Variants in KALRN observed in about 807,000 individuals in gnomAD.
The protein encoded by KALRN is kalirin RhoGEF kinase, also known as kalirin.
A neutral mutation model predicts 353.7 loss-of-function variants in KALRN; 70 were observed. That is an observed-to-expected ratio of 0.20 (90% CI 0.16 to 0.24). The LOEUF (loss-of-function observed/expected upper bound fraction) is 0.24. Ranked by LOEUF, KALRN falls within the 10% of genes least tolerant of loss-of-function variation. The pLI, the probability that KALRN is intolerant of heterozygous loss-of-function variation, is 1.00. For synonymous variants in KALRN, 1,391 were observed against 1,434.8 expected (o/e 0.97, Z 0.69); for missense variants, 2,791 against 3,756.7 (o/e 0.74, Z 6.72).
At chr3:124,412,425 C>G (rs4678115) in intron 13 of KALRN, among the ~76,000 whole-genome samples, 63,360 of 152,076 alleles carry the variant, frequency 0.42, 13,367 homozygotes, top group Middle Eastern at 0.48. Flanking sequence ...AGTACACATG[C>G]TGTCGCCTTC....
intron 1 of KALRN, among the ~76,000 whole-genome samples, chr3:124,105,970 A>G (rs1321618807): frequency 1.3e-5 from 2 of 152,236 alleles, no homozygotes; most frequent in African/African-American, 4.8e-5. Flanking sequence ...TATTCCAGGG[A>G]CAGTGCTATT....
intron 57 of KALRN, 62 bp from the exon 58 acceptor site, chr3:124,712,873 A>G: frequency 2.5e-6 from 3 of 1,217,572 alleles, no homozygotes; most frequent in Non-Finnish European, 2.4e-6. Context: ...TTACTTATCC[A>G]TGAATAAAAT....
intron 4 of KALRN, among the ~76,000 whole-genome samples, chr3:124,266,728 G>A (rs771030052): frequency 2.6e-5 from 4 of 152,170 alleles, no homozygotes; most frequent in Non-Finnish European, 5.9e-5. Flanking sequence ...CCTGACACTT[G>A]ATGCAGGCGA....
chr3:124,605,388 C>A (rs1334038909), intron 34 of KALRN, among the ~76,000 whole-genome samples: 1 of 151,836 alleles, frequency 6.6e-6, no homozygotes, highest in Non-Finnish European at 1.5e-5. Flanking sequence ...GCCTGGCCAA[C>A]ATGGTGAAAC....
chr3:124,334,983 C>T lies in KALRN; in HGVS notation c.1647+488C>T, dbSNP rs935271607. On this transcript the variant is annotated intron_variant, in intron 9 of 59. Coordinates refer to ENST00000682506, the MANE Select transcript of KALRN (RefSeq NM_001388419.1). This position sits in a 1 kb window ranked among gnomAD's most constrained non-coding sequence, Gnocchi z 4.2. ...CTAATTTTTGTATTTTTGGTGGAGACGGGGTTTCACCATGTTGACCAGGCT... is the reference window on the plus strand; with the variant it reads ...CTAATTTTTGTATTTTTGGTGGAGATGGGGTTTCACCATGTTGACCAGGCT... Among the ~76,000 whole-genome samples the T allele has an allele frequency of 3.3e-5, 5 of 152,080 alleles. No individual in the cohort carries two copies. The highest frequency in any genetic ancestry group is 7.4e-5 in the Non-Finnish European group (5 of 68,016).
intron 13 of KALRN, 49 bp from the exon 14 acceptor site, chr3:124,413,421 C>A (rs752622499): frequency 2.0e-6 from 3 of 1,499,786 alleles, no homozygotes; most frequent in Middle Eastern, 1.8e-4. Context: ...ACCTAACAAT[C>A]TCTCGTGGAC....
intron 3 of KALRN, 39 bp from the exon 4 acceptor site, chr3:124,264,459 T>C: frequency 6.3e-7 from 1 of 1,590,476 alleles, no homozygotes; most frequent in Non-Finnish European, 8.6e-7. Flanking sequence ...AAGTCTCAGC[T>C]ACCCAGAGTG....
chr3:124,579,919 G>GAA (rs2074460792), intron 34 of KALRN, among the ~76,000 whole-genome samples: 1 of 152,180 alleles, frequency 6.6e-6, no homozygotes, highest in Non-Finnish European at 1.5e-5. Flanking sequence ...TTGGAGTAGA[G>GAA]GGTGGACAAG....
intron 16 of KALRN, among the ~76,000 whole-genome samples, chr3:124,431,285 A>G (rs2093263379): frequency 1.3e-5 from 2 of 152,210 alleles, no homozygotes; most frequent in Non-Finnish European, 2.9e-5. Flanking sequence ...TGCACCAGAT[A>G]TTTTTACCCC....
At chr3:124,426,020 T>C (rs1420458412) in intron 15 of KALRN, among the ~76,000 whole-genome samples, 2 of 152,190 alleles carry the variant, frequency 1.3e-5, no homozygotes, top group African/African-American at 2.4e-5. Flanking sequence ...CTGTACAAAA[T>C]TGCTCAAACC....
chr3:124,248,884 C>G (rs1360602306), intron 3 of KALRN, among the ~76,000 whole-genome samples: 1 of 152,198 alleles, frequency 6.6e-6, no homozygotes, highest in East Asian at 1.9e-4. Context: ...GAGACAAGGT[C>G]TGAACCTTGT....
chr3:124,547,228 G>A (rs914687990), intron 33 of KALRN, among the ~76,000 whole-genome samples: 2 of 152,136 alleles, frequency 1.3e-5, no homozygotes, highest in South Asian at 2.1e-4. Flanking sequence ...TCGAACTTCT[G>A]GCCTCAAGCT....
intron 34 of KALRN, among the ~76,000 whole-genome samples, chr3:124,573,054 G>A (rs1176044546): frequency 1.3e-5 from 2 of 151,988 alleles, no homozygotes; most frequent in African/African-American, 4.8e-5. Context: ...ATGTCTTGGG[G>A]TGGAAGGCCT....
chr3:124,256,510 GACA>G (rs756681303), intron 3 of KALRN, among the ~76,000 whole-genome samples: 1 of 152,174 alleles, frequency 6.6e-6, no homozygotes, highest in African/African-American at 2.4e-5. Flanking sequence ...AAACTTTACA[GACA>G]ACAACAACTG....
intron 16 of KALRN, among the ~76,000 whole-genome samples, chr3:124,432,914 A>G (rs1306326624): frequency 6.6e-6 from 1 of 152,214 alleles, no homozygotes; most frequent in East Asian, 1.9e-4. Context: ...TCTAGAAGAT[A>G]TTGGGAATGA....
At chr3:124,272,958 C>T (rs1283815146) in intron 5 of KALRN, among the ~76,000 whole-genome samples, 1 of 152,180 alleles carries the variant, frequency 6.6e-6, no homozygotes, top group African/African-American at 2.4e-5. Flanking sequence ...TCTTAGTCTC[C>T]CTTCTGGTGG....
At chr3:124,313,177 T>C (rs894712605) in intron 6 of KALRN, among the ~76,000 whole-genome samples, 2 of 152,236 alleles carry the variant, frequency 1.3e-5, no homozygotes, top group African/African-American at 4.8e-5. Context: ...ATCCAGGAAC[T>C]ACCAGACTGC....
intron 1 of KALRN, among the ~76,000 whole-genome samples, chr3:124,190,554 G>T (rs186815726): frequency 6.6e-6 from 1 of 152,114 alleles, no homozygotes. Context: ...ATTTTGCACC[G>T]CAAGAATTCA....
chr3:124,366,837 A>T (rs1346255813), intron 10 of KALRN, among the ~76,000 whole-genome samples: 2 of 120,890 alleles, frequency 1.7e-5, no homozygotes, highest in South Asian at 2.8e-4. Context: ...CGGGGGTCTG[A>T]CCCCCCCACC....
Sources: allele counts gnomAD v4.1 joint callset (sites outside exome capture counted in the v4.1 genomes callset), GRCh38; gene constraint gnomAD v4.1.1; non-coding constraint Gnocchi (gnomAD v3.1); transcripts MANE v1.5; gene names NCBI Gene and HGNC (gene_info 2026-07-23, HGNC 2026-07-21).